HK1: variants seen among roughly 807,000 people sequenced by gnomAD.
The protein encoded by HK1 is hexokinase-1.
HK1 carries 28 observed loss-of-function variants against 91.6 expected under a neutral mutation model. The ratio of observed to expected loss-of-function variants is 0.31; its 90% CI spans 0.23 to 0.42. HK1 has a LOEUF of 0.42. Ranked by LOEUF, HK1 falls within the 10% of genes least tolerant of loss-of-function variation. HK1 has a pLI of 1.00. For synonymous variants in HK1, 430 were observed against 468.1 expected (o/e 0.92, Z 1.05); for missense variants, 770 against 1,219.8 (o/e 0.63, Z 5.49).
Position 69,401,595 on chromosome 10 carries a change from G to A in HK1, c.*460G>A. The A allele has an allele frequency of 2.5e-6, 1 of 395,074 alleles. No homozygotes were observed. Among genetic ancestry groups the A allele is most frequent in the South Asian group, 1.8e-5 (1 of 54,462 alleles). 24.5% of individuals were successfully genotyped at this position (395,074 alleles called of 1,614,324 possible). Reference sequence around the variant, plus strand: ...CCGGGGGCACTGCCTGAAGGCGAGTGTGGGCATAGCATTAGCTGCTTCCTC... The same window carrying A: ...CCGGGGGCACTGCCTGAAGGCGAGTATGGGCATAGCATTAGCTGCTTCCTC... On this transcript the variant is annotated 3_prime_UTR_variant, in exon 18 of 18. Coordinates refer to ENST00000359426, the MANE Select transcript of HK1 (RefSeq NM_000188.3).
chr10:69,381,564 T>TTTTTG, intron 9 of HK1, among the ~76,000 whole-genome samples: 1 of 151,220 alleles, frequency 6.6e-6, no homozygotes, highest in African/African-American at 2.4e-5. Context: ...TTTTTTTTTT[T>TTTTTG]TGAAGGCAGG....
At chr10:69,360,071 C>G (rs200618843) in intron 3 of HK1, 26 bp downstream of exon 3, 5 of 1,610,810 alleles carry the variant, frequency 3.1e-6, no homozygotes, top group Non-Finnish European at 4.2e-6. Context: ...CTCCGGGTCA[C>G]CCCGTCGGGC....
chr10:69,389,940 A>G (rs1475689782), intron 14 of HK1, among the ~76,000 whole-genome samples: 2 of 152,134 alleles, frequency 1.3e-5, no homozygotes, highest in African/African-American at 4.8e-5. Context: ...TGAGGAAACC[A>G]TTTGTCCTGC....
At chr10:69,339,681 T>C (rs568738579) in intron 1 of HK1, among the ~76,000 whole-genome samples, 1 of 152,336 alleles carries the variant, frequency 6.6e-6, no homozygotes, top group East Asian at 1.9e-4. Context: ...GCACCTTGAC[T>C]TAGAAGGCAG....
At chr10:69,274,102 T>C (rs1284866939) in intron 1 of HK1, among the ~76,000 whole-genome samples, 1 of 152,152 alleles carries the variant, frequency 6.6e-6, no homozygotes, top group Non-Finnish European at 1.5e-5. Flanking sequence ...GGTGATGGAC[T>C]GATCACTTTG....
At chr10:69,296,737 G>C (rs1162701296) in intron 4 of HK1, among the ~76,000 whole-genome samples, 1 of 152,188 alleles carries the variant, frequency 6.6e-6, no homozygotes, top group African/African-American at 2.4e-5. Flanking sequence ...GCAAAAATGG[G>C]AAAAAGCTGG....
intron 2 of HK1, among the ~76,000 whole-genome samples, chr10:69,356,831 C>T (rs1849157686): frequency 7.5e-6 from 1 of 134,024 alleles, no homozygotes; most frequent in African/African-American, 3.0e-5. Context: ...TGCAGTGAGT[C>T]GAGATTGAGC....
chr10:69,288,009 A>T (rs1280897890), intron 2 of HK1, among the ~76,000 whole-genome samples: 1 of 151,634 alleles, frequency 6.6e-6, no homozygotes, highest in African/African-American at 2.4e-5. Flanking sequence ...TTAGGCTGGC[A>T]TGGTGGCCCA....
intron 2 of HK1, among the ~76,000 whole-genome samples, chr10:69,348,370 G>A (rs1464629829): frequency 6.6e-6 from 1 of 152,148 alleles, no homozygotes. Flanking sequence ...GCATTTGGGT[G>A]GTCTCAGTTT....
At chr10:69,379,513 C>T (rs1839279799) in intron 8 of HK1, among the ~76,000 whole-genome samples, 1 of 152,208 alleles carries the variant, frequency 6.6e-6, no homozygotes, top group African/African-American at 2.4e-5. Flanking sequence ...GGGCAACTCA[C>T]AGACCCCACG....
chr10:69,393,241 A>C (rs1839984758), intron 15 of HK1, among the ~76,000 whole-genome samples: 1 of 152,162 alleles, frequency 6.6e-6, no homozygotes, highest in African/African-American at 2.4e-5. Flanking sequence ...TAGGTCTCCT[A>C]AAGTGCTGGG....
chr10:69,379,798 C>A, intron 8 of HK1, 64 bp from the exon 9 acceptor site: 2 of 1,161,922 alleles, frequency 1.7e-6, no homozygotes, highest in Non-Finnish European at 2.6e-6. Flanking sequence ...CACCTTTGAG[C>A]CTCAGTGCTT....
chr10:69,311,034 G>T, upstream of HK1, among the ~76,000 whole-genome samples: 1 of 149,648 alleles, frequency 6.7e-6, no homozygotes, highest in East Asian at 2.0e-4. Context: ...TTCAGCCTGG[G>T]CAACAGAGTG....
rs1215142437 is a variant in HK1 at position 69,336,921 on chromosome 10, A to T, written c.64-6906A>T. 2.6e-5 allele frequency among the ~76,000 whole-genome samples: 4 copies of T among 152,146 alleles called. No individual in the cohort carries two copies. The East Asian group carries it at 5.8e-4, about 22-fold the overall frequency. ...CGGCCTCCCATAGTGCTGGGATTAC[A>T]AGCGTGAGCCACCGTGCCTGGCCGG... On this transcript the variant is annotated intron_variant, in intron 1 of 17. Coordinates refer to ENST00000359426, the MANE Select transcript of HK1 (RefSeq NM_000188.3).
At chr10:69,307,934 G>A (rs1486188135) in intron 5 of HK1, among the ~76,000 whole-genome samples, 1 of 152,048 alleles carries the variant, frequency 6.6e-6, no homozygotes, top group Non-Finnish European at 1.5e-5. Flanking sequence ...TGCCTCCCCG[G>A]TTCAAGTGAT....
Position 69,376,921 on chromosome 10 carries a change from C to T in HK1, c.876-13C>T. The T allele has an allele frequency of 6.2e-7, 1 of 1,614,036 alleles. No homozygotes were observed. The highest frequency in any genetic ancestry group is 8.5e-7 in the Non-Finnish European group (1 of 1,179,948). Reference sequence around the variant, plus strand: ...AGGAAGGCTGACAAGTGCCGGTGTGCCTTTCTCCACAGGTTTGAGAAGATG... The same window carrying T: ...AGGAAGGCTGACAAGTGCCGGTGTGTCTTTCTCCACAGGTTTGAGAAGATG... On this transcript the variant is annotated splice_polypyrimidine_tract_variant and intron_variant, in intron 7 of 17. Transcript: ENST00000359426.
At chr10:69,358,589 C>T (rs891498246) in intron 2 of HK1, among the ~76,000 whole-genome samples, 5 of 152,160 alleles carry the variant, frequency 3.3e-5, no homozygotes, top group East Asian at 3.9e-4. Context: ...AGGCTGGGCA[C>T]GGTGACTCAC....
chr10:69,337,488 A>G (rs1234710626), intron 1 of HK1, among the ~76,000 whole-genome samples: 4 of 152,192 alleles, frequency 2.6e-5, no homozygotes, highest in African/African-American at 9.7e-5. Flanking sequence ...CAAATGGGAT[A>G]ATGTATGTGA....
intron 3 of HK1, among the ~76,000 whole-genome samples, chr10:69,290,090 GC>G (rs1057237325): frequency 3.3e-5 from 5 of 151,996 alleles, no homozygotes; most frequent in African/African-American, 1.2e-4. Context: ...GTTCCACCCC[GC>G]CCCCCACCAA....
Sources: gnomAD v4.1 joint callset for allele counts (sites outside exome capture counted in the v4.1 genomes callset) on GRCh38, gnomAD v4.1.1 for gene constraint, MANE v1.5 for transcripts, NCBI Gene and HGNC (gene_info 2026-07-23, HGNC 2026-07-21) for gene names.